ARB2A: variants seen among roughly 807,000 people sequenced by gnomAD.
The protein encoded by ARB2A is cotranscriptional regulator ARB2A.
At chr5:93,668,119 A>T in the ARB2A span, among the ~76,000 whole-genome samples, 1 of 152,318 alleles carries the variant, frequency 6.6e-6, no homozygotes, top group Admixed American at 6.5e-5. Context: ...AATTATTATT[A>T]TATTTTGAGA....
At chr5:93,898,588 A>G in the ARB2A span, among the ~76,000 whole-genome samples, 1 of 152,106 alleles carries the variant, frequency 6.6e-6, no homozygotes, top group African/African-American at 2.4e-5. Context: ...TGTTATGTAC[A>G]GTAAGAAAGC....
At chr5:93,870,357 C>T in the ARB2A span, among the ~76,000 whole-genome samples, 1 of 152,214 alleles carries the variant, frequency 6.6e-6, no homozygotes, top group Non-Finnish European at 1.5e-5. Context: ...TTTCAGTTTA[C>T]ATCGCCGCTC....
chr5:94,102,566 G>C, the ARB2A span, among the ~76,000 whole-genome samples: 4 of 152,134 alleles, frequency 2.6e-5, no homozygotes, highest in African/African-American at 9.7e-5. Context: ...CCCTGAAAGA[G>C]AGAGACATGA....
chr5:93,802,372 T>C, the ARB2A span, among the ~76,000 whole-genome samples: 1 of 151,746 alleles, frequency 6.6e-6, no homozygotes, highest in African/African-American at 2.4e-5. Context: ...TCCATACAAA[T>C]AAAAATGATA....
At chr5:93,892,084 C>G in the ARB2A span, among the ~76,000 whole-genome samples, 1 of 152,152 alleles carries the variant, frequency 6.6e-6, no homozygotes, top group Non-Finnish European at 1.5e-5. Flanking sequence ...AGCAAGAGAA[C>G]AGAAACTCAG....
At chr5:93,758,326 C>T in the ARB2A span, among the ~76,000 whole-genome samples, 3 of 152,154 alleles carry the variant, frequency 2.0e-5, no homozygotes, top group African/African-American at 7.2e-5. Flanking sequence ...ACTGACAGCA[C>T]TAGACAGGTC....
the ARB2A span, among the ~76,000 whole-genome samples, chr5:93,722,947 T>C: frequency 6.6e-6 from 1 of 152,138 alleles, no homozygotes; most frequent in Non-Finnish European, 1.5e-5. Context: ...ACAAATCATA[T>C]TCTATAATGC....
chr5:93,731,300 G>C, the ARB2A span, among the ~76,000 whole-genome samples: 2 of 152,184 alleles, frequency 1.3e-5, no homozygotes, highest in African/African-American at 4.8e-5. Context: ...CTCACAAAAA[G>C]AGGAAATAGG....
At chr5:93,887,790 C>A in the ARB2A span, among the ~76,000 whole-genome samples, 1 of 151,820 alleles carries the variant, frequency 6.6e-6, no homozygotes, top group African/African-American at 2.4e-5. Flanking sequence ...GAATACTGTG[C>A]AAAATTAGCT....
the ARB2A span, among the ~76,000 whole-genome samples, chr5:93,847,845 A>C: frequency 6.6e-6 from 1 of 152,224 alleles, no homozygotes; most frequent in Non-Finnish European, 1.5e-5. Flanking sequence ...GGGAAGTCTG[A>C]ATTAAAAATG....
At chr5:93,805,058 T>C in the ARB2A span, 4 of 961,416 alleles carry the variant, frequency 4.2e-6, no homozygotes, top group Non-Finnish European at 3.7e-6. Flanking sequence ...TTTTAATATA[T>C]AATTAATGAT....
chr5:94,069,626 G>C, the ARB2A span, among the ~76,000 whole-genome samples: 3 of 152,124 alleles, frequency 2.0e-5, no homozygotes, highest in Non-Finnish European at 2.9e-5. Flanking sequence ...CGTGGGCAAA[G>C]GACATAAATA....
chr5:94,042,218 A>C, the ARB2A span, among the ~76,000 whole-genome samples: 11 of 152,174 alleles, frequency 7.2e-5, no homozygotes, highest in South Asian at 2.3e-3. Flanking sequence ...CTAAAGTAAA[A>C]GGGGTATTAT....
At chr5:93,846,720 TA>T in the ARB2A span, among the ~76,000 whole-genome samples, 2 of 152,140 alleles carry the variant, frequency 1.3e-5, no homozygotes, top group African/African-American at 2.4e-5. Flanking sequence ...ATGTTTAATT[TA>T]AAAATACTTT....
chr5:93,805,355 C>A, the ARB2A span: 1 of 985,110 alleles, frequency 1.0e-6, no homozygotes, highest in Non-Finnish European at 1.2e-6. Flanking sequence ...CAAGTTTTTA[C>A]CAGCTATTTT....
At chr5:93,637,040 G>A in the ARB2A span, among the ~76,000 whole-genome samples, 30 of 152,194 alleles carry the variant, frequency 2.0e-4, no homozygotes, top group Middle Eastern at 0.014. Flanking sequence ...ACAAAGATTC[G>A]TCATATACTG....
At chr5:94,011,075 T>C in the ARB2A span, among the ~76,000 whole-genome samples, 2 of 152,202 alleles carry the variant, frequency 1.3e-5, no homozygotes, top group Non-Finnish European at 1.5e-5. Context: ...AATAGAGCAC[T>C]TCACTCATCT....
the ARB2A span, among the ~76,000 whole-genome samples, chr5:93,849,751 T>G: frequency 6.6e-6 from 1 of 152,142 alleles, no homozygotes; most frequent in South Asian, 2.1e-4. Context: ...CCTATTGCTA[T>G]GAATCTGCTA....
chr5:93,619,554 CAAAT>C, the ARB2A span: 1 of 152,040 alleles, frequency 6.6e-6, no homozygotes, highest in Admixed American at 6.5e-5. Context: ...ATCATGTCCT[CAAAT>C]AAGGCAGGCA....
Sources: gnomAD v4.1 joint callset for allele counts (sites outside exome capture counted in the v4.1 genomes callset) on GRCh38, gnomAD v4.1.1 for gene constraint, MANE v1.5 for transcripts, NCBI Gene and HGNC (gene_info 2026-07-23, HGNC 2026-07-21) for gene names.